The following MTMR8 variants were observed in gnomAD, a reference collection of about 807,000 sequenced individuals.
MTMR8 encodes myotubularin related protein 8, also known as phosphatidylinositol-3,5-bisphosphate 3-phosphatase MTMR8.
MTMR8 carries 65 observed loss-of-function variants against 39.3 expected under a neutral mutation model. The ratio of observed to expected loss-of-function variants is 1.65; its 90% CI spans 1.35 to 2.03. The LOEUF is 2.03. Among genes scored for constraint, MTMR8 ranks in the 30% most tolerant of loss-of-function variants. The probability of loss-of-function intolerance (pLI) is 0.00; values close to 1 mark genes in which losing one functional copy is unlikely to be tolerated. For synonymous variants in MTMR8, 245 were observed against 185.2 expected (o/e 1.32, Z -2.62); for missense variants, 777 against 538.9 (o/e 1.44, Z -4.37).
At chrX:64,352,717 A>T (rs180778121) in intron 4 of MTMR8, among the ~76,000 whole-genome samples, 2 of 111,515 alleles carry the variant, frequency 1.8e-5, no homozygotes, top group Non-Finnish European at 3.8e-5. Flanking sequence ...ATCTGTCACC[A>T]GTTGCTTTCA....
rs1447174277 is a variant in MTMR8, at chrX:64,344,290, A to T, written c.866-570T>A. ...GGAGTAAGAGACCTAAGGAAGAGGG[A>T]TATTAATATTTTAAAAGGGATGCAG... On this transcript the variant is annotated intron_variant, in intron 7 of 13. Transcript: ENST00000374852. 3.6e-5 allele frequency among the ~76,000 whole-genome samples: 4 copies of T among 111,979 alleles called. No homozygotes were observed. The Admixed American group carries it at 3.8e-4, about 11-fold the overall frequency.
intron 12 of MTMR8, among the ~76,000 whole-genome samples, chrX:64,274,197 T>A (rs1602101017): frequency 8.9e-6 from 1 of 112,069 alleles, no homozygotes; most frequent in Admixed American, 9.5e-5. Context: ...ATAGATCACA[T>A]GTTAGGTCAT....
rs1924129580 is a variant in MTMR8, at chrX:64,371,458, C to T, written c.25-11931G>A. 5.4e-5 allele frequency among the ~76,000 whole-genome samples: 6 copies of T among 111,855 alleles called. No homozygotes were observed. In the South Asian group the frequency reaches 2.2e-3, roughly 41 times the overall value. On this transcript the variant is annotated intron_variant, in intron 1 of 13. Coordinates refer to ENST00000374852, the MANE Select transcript of MTMR8 (RefSeq NM_017677.4). ...TGCTTATACAGTGCTGATTGCAATG[C>T]TATATCACGTTTAGAAAGCAATATG...
chrX:64,313,467 G>A (rs975440150), intron 12 of MTMR8, among the ~76,000 whole-genome samples: 1 of 112,542 alleles, frequency 8.9e-6, no homozygotes, highest in Non-Finnish European at 1.9e-5. Flanking sequence ...CTTTCTTATC[G>A]TTTGTGTTTT....
intron 12 of MTMR8, among the ~76,000 whole-genome samples, chrX:64,324,731 C>T (rs1302752940): frequency 1.9e-5 from 2 of 104,366 alleles, no homozygotes; most frequent in African/African-American, 7.2e-5. Context: ...ATAAAATGGC[C>T]CTACCCCTAT....
At chrX:64,283,574 C>A (rs1344063028) in intron 12 of MTMR8, among the ~76,000 whole-genome samples, 1 of 112,152 alleles carries the variant, frequency 8.9e-6, no homozygotes, top group Non-Finnish European at 1.9e-5. Context: ...AGACACCCCC[C>A]AGTAGGGGCA....
At chrX:64,344,944 C>T in intron 7 of MTMR8, 101 bp downstream of exon 7, 2 of 927,118 alleles carry the variant, frequency 2.2e-6, no homozygotes, top group Non-Finnish European at 3.0e-6. Context: ...ACTCTGCTCA[C>T]CTGCTTGCTT....
At chrX:64,375,946 T>C (rs956762570) in intron 1 of MTMR8, among the ~76,000 whole-genome samples, 1 of 111,274 alleles carries the variant, frequency 9.0e-6, no homozygotes, top group Non-Finnish European at 1.9e-5. Flanking sequence ...AGTGAGTGAG[T>C]TCTCACACGA....
chrX:64,378,074 T>C (rs1924317037), intron 1 of MTMR8, among the ~76,000 whole-genome samples: 2 of 112,159 alleles, frequency 1.8e-5, no homozygotes, highest in South Asian at 3.7e-4. Flanking sequence ...TTCCCAGCCA[T>C]GTTTCTTGTA....
chrX:64,346,127 C>A (rs1292528028), intron 6 of MTMR8, among the ~76,000 whole-genome samples: 4 of 111,069 alleles, frequency 3.6e-5, no homozygotes, highest in African/African-American at 6.6e-5. Flanking sequence ...ATATAATAAC[C>A]AGAAGGCAGC....
At chrX:64,378,458 C>A (rs1037656361) in intron 1 of MTMR8, among the ~76,000 whole-genome samples, 7 of 111,804 alleles carry the variant, frequency 6.3e-5, no homozygotes, top group Non-Finnish European at 9.4e-5. Flanking sequence ...CCGCCTCAAA[C>A]GATCCTCCTG....
intron 10 of MTMR8, among the ~76,000 whole-genome samples, chrX:64,334,588 A>C (rs5964766): frequency 0.14 from 14,500 of 104,897 alleles, 2,542 homozygotes; most frequent in African/African-American, 0.48. Context: ...AAAAAAAAAA[A>C]AAAAAAACAG....
chrX:64,300,272 G>T lies in MTMR8; in HGVS notation c.1481+28500C>A, dbSNP rs1259931198. On this transcript the variant is annotated intron_variant, in intron 12 of 13. Transcript: ENST00000374852. ...CATGAATCTTGGTGCTCCTGTATTG[G>T]GTGCACATATATTTAGGATAGTTAG... is the stretch of plus-strand genomic sequence containing the variant. 6.3e-5 allele frequency among the ~76,000 whole-genome samples: 7 copies of T among 111,061 alleles called. No individual in the cohort carries two copies. The South Asian group carries it at 2.0e-3, about 31-fold the overall frequency.
intron 8 of MTMR8, among the ~76,000 whole-genome samples, chrX:64,338,051 G>A (rs111822508): frequency 0.018 from 2,014 of 111,656 alleles, 21 homozygotes; most frequent in Non-Finnish European, 0.027. Context: ...CAGGGTGACC[G>A]AAAATAAATA....
chrX:64,357,264 G>A (rs1923650850), intron 2 of MTMR8, among the ~76,000 whole-genome samples: 1 of 111,083 alleles, frequency 9.0e-6, no homozygotes, highest in Non-Finnish European at 1.9e-5. Flanking sequence ...CCTGTGCCTG[G>A]AATGGTCTTC....
intron 12 of MTMR8, among the ~76,000 whole-genome samples, chrX:64,324,115 C>A (rs922748691): frequency 8.9e-6 from 1 of 112,522 alleles, no homozygotes. Context: ...ATAATCCCAG[C>A]ACTTTTGGGG....
At chrX:64,377,064 G>A (rs145698474) in intron 1 of MTMR8, among the ~76,000 whole-genome samples, 1,170 of 112,378 alleles carry the variant, frequency 0.01, 15 homozygotes, top group African/African-American at 0.036. Context: ...GTGCTCAAAG[G>A]GCAAGAGTTG....
chrX:64,353,822 G>A (rs989281936), intron 4 of MTMR8, among the ~76,000 whole-genome samples: 6 of 110,562 alleles, frequency 5.4e-5, no homozygotes, highest in Non-Finnish European at 1.1e-4. Flanking sequence ...AGCTACATGG[G>A]AGGCTGAGAT....
chrX:64,310,266 C>T (rs981008305), intron 12 of MTMR8, among the ~76,000 whole-genome samples: 2 of 111,717 alleles, frequency 1.8e-5, no homozygotes, highest in African/African-American at 3.3e-5. Flanking sequence ...TTTGCTCATC[C>T]ATAAGAAGCA....
Sources: allele counts gnomAD v4.1 joint callset (sites outside exome capture counted in the v4.1 genomes callset), GRCh38; gene constraint gnomAD v4.1.1; transcripts MANE v1.5; gene names NCBI Gene and HGNC (gene_info 2026-07-23, HGNC 2026-07-21).